Variants in SORCS1 observed in about 807,000 individuals in gnomAD.
SORCS1 encodes the protein sortilin related VPS10 domain containing receptor 1, also known as VPS10 domain-containing receptor SorCS1.
Under a neutral mutation model 146.1 loss-of-function variants are expected in SORCS1, and 60 were observed. The observed-to-expected ratio is 0.41, with a 90% confidence interval of 0.33 to 0.51. SORCS1 has a LOEUF of 0.51. Among genes scored for constraint, SORCS1 ranks in the 20% least tolerant of loss-of-function variants. The pLI is 0.21. For synonymous variants in SORCS1, 637 were observed against 584.0 expected (o/e 1.09, Z -1.31); for missense variants, 1,352 against 1,487.6 (o/e 0.91, Z 1.50).
At chr10:107,035,461 C>T (rs1476146741) in intron 1 of SORCS1, among the ~76,000 whole-genome samples, 1 of 152,086 alleles carries the variant, frequency 6.6e-6, no homozygotes, top group Non-Finnish European at 1.5e-5. Flanking sequence ...CAACGCCATA[C>T]CAGCAGAACC....
intron 9 of SORCS1, among the ~76,000 whole-genome samples, chr10:106,692,304 C>G (rs955511588): frequency 6.6e-6 from 1 of 152,162 alleles, no homozygotes; most frequent in East Asian, 1.9e-4. Context: ...TGGGCTCAAG[C>G]AAGCCACCTG....
chr10:106,863,782 T>C (rs1589582075), intron 2 of SORCS1, among the ~76,000 whole-genome samples: 2 of 150,304 alleles, frequency 1.3e-5, no homozygotes, highest in East Asian at 2.0e-4. Context: ...CCCAAGAGAA[T>C]TGCCAGATTC....
intron 3 of SORCS1, among the ~76,000 whole-genome samples, chr10:106,825,574 GT>G (rs36111826): frequency 0.01 from 1,506 of 146,936 alleles, 9 homozygotes; most frequent in Non-Finnish European, 0.016. Flanking sequence ...GCCCAGCCAA[GT>G]TTTTTTTTTT....
At chr10:106,885,285 T>TGGG (rs34957631) in intron 2 of SORCS1, among the ~76,000 whole-genome samples, 1 of 139,772 alleles carries the variant, frequency 7.2e-6, no homozygotes, top group African/African-American at 2.6e-5. Context: ...AGGAGAAAAT[T>TGGG]GGGGGGGGGG....
intron 2 of SORCS1, among the ~76,000 whole-genome samples, chr10:106,936,778 A>C (rs947641779): frequency 1.3e-5 from 2 of 152,228 alleles, no homozygotes; most frequent in Non-Finnish European, 2.9e-5. Flanking sequence ...CTGCTCTTGA[A>C]TATAATGCAA....
At chr10:106,978,711 T>C (rs191746855) in intron 1 of SORCS1, among the ~76,000 whole-genome samples, 3 of 150,036 alleles carry the variant, frequency 2.0e-5, no homozygotes, top group Admixed American at 6.7e-5. Context: ...GGCAGGAGAA[T>C]CCCTTGAACC....
chr10:106,635,603 C>T (rs1183828815), intron 18 of SORCS1, among the ~76,000 whole-genome samples: 1 of 151,832 alleles, frequency 6.6e-6, no homozygotes, highest in African/African-American at 2.4e-5. Flanking sequence ...AATATTTCTC[C>T]AAATTTAAAA....
chr10:107,059,850 G>A (rs1359330218), intron 1 of SORCS1, among the ~76,000 whole-genome samples: 1 of 149,094 alleles, frequency 6.7e-6, no homozygotes, highest in Non-Finnish European at 1.5e-5. Context: ...TTTATTTTAT[G>A]CTTTTGGATG....
At chr10:106,714,168 C>T (rs1465621127) in intron 6 of SORCS1, among the ~76,000 whole-genome samples, 2 of 111,458 alleles carry the variant, frequency 1.8e-5, no homozygotes, top group Non-Finnish European at 1.9e-5. Context: ...AAAAAAGATA[C>T]CCTTTGACCT....
At chr10:106,639,298 C>A (rs1004433055) in intron 18 of SORCS1, among the ~76,000 whole-genome samples, 23 of 152,190 alleles carry the variant, frequency 1.5e-4, no homozygotes, top group Admixed American at 1.2e-3. Context: ...CTCAAGTAGG[C>A]AGACTAGGAG....
intron 1 of SORCS1, among the ~76,000 whole-genome samples, chr10:106,963,368 G>C (rs1295328154): frequency 6.6e-6 from 1 of 151,894 alleles, no homozygotes; most frequent in Non-Finnish European, 1.5e-5. Flanking sequence ...GCCCACCTCG[G>C]CCTCCCAAAG....
intron 5 of SORCS1, among the ~76,000 whole-genome samples, chr10:106,751,933 TAGA>T (rs1858279275): frequency 6.6e-6 from 1 of 152,164 alleles, no homozygotes; most frequent in African/African-American, 2.4e-5. Flanking sequence ...ACTTATCTTC[TAGA>T]AGGAAATGAA....
At chr10:106,662,847 G>A (rs543571193) in intron 17 of SORCS1, among the ~76,000 whole-genome samples, 1 of 152,114 alleles carries the variant, frequency 6.6e-6, no homozygotes, top group Non-Finnish European at 1.5e-5. Context: ...TTTAAAGGAG[G>A]ACGGCACTTA....
intron 2 of SORCS1, among the ~76,000 whole-genome samples, chr10:106,945,016 G>T (rs1273587444): frequency 6.6e-6 from 1 of 151,192 alleles, no homozygotes; most frequent in Non-Finnish European, 1.5e-5. Flanking sequence ...CTCCCGAGAG[G>T]CTGGGATTAC....
At chr10:106,725,869 T>A (rs112642553) in intron 6 of SORCS1, among the ~76,000 whole-genome samples, 3,794 of 142,232 alleles carry the variant, frequency 0.027, 134 homozygotes, top group African/African-American at 0.085. Flanking sequence ...GGGCAGAGGT[T>A]GCAGTGAGCC....
intron 4 of SORCS1, among the ~76,000 whole-genome samples, chr10:106,766,870 T>C (rs950600866): frequency 1.4e-4 from 22 of 152,252 alleles, no homozygotes; most frequent in African/African-American, 5.3e-4. Flanking sequence ...GCGGGCTTTG[T>C]AATACAATTA....
At chr10:106,993,520 C>T (rs1231369994) in intron 1 of SORCS1, among the ~76,000 whole-genome samples, 1 of 152,064 alleles carries the variant, frequency 6.6e-6, no homozygotes, top group Non-Finnish European at 1.5e-5. Context: ...TTTTGACTTC[C>T]AGAAGAGTAT....
At chr10:106,775,255 G>A (rs1860342051) in intron 4 of SORCS1, among the ~76,000 whole-genome samples, 1 of 152,198 alleles carries the variant, frequency 6.6e-6, no homozygotes, top group South Asian at 2.1e-4. Context: ...CTCTGTCTGA[G>A]CTGGTCAGGC....
intron 1 of SORCS1, among the ~76,000 whole-genome samples, chr10:107,121,174 T>C (rs1029636391): frequency 1.3e-5 from 2 of 152,228 alleles, no homozygotes; most frequent in Non-Finnish European, 2.9e-5. Context: ...CTGCGGACAG[T>C]ACCACCTGTT....
Sources: gnomAD v4.1 joint callset for allele counts (sites outside exome capture counted in the v4.1 genomes callset) on GRCh38, gnomAD v4.1.1 for gene constraint, MANE v1.5 for transcripts, NCBI Gene and HGNC (gene_info 2026-07-23, HGNC 2026-07-21) for gene names.